Variants in TTL observed in about 807,000 individuals in gnomAD.
The protein encoded by TTL is tubulin tyrosine ligase, also known as tubulin--tyrosine ligase.
In TTL, 10 loss-of-function variants were observed where a neutral mutation model predicts 41.1. That is an observed-to-expected ratio of 0.24 (90% CI 0.15 to 0.41). The LOEUF (loss-of-function observed/expected upper bound fraction) is 0.41. TTL is among the 10% of genes least tolerant of loss of function. The pLI, the probability that TTL is intolerant of heterozygous loss-of-function variation, is 1.00. For synonymous variants in TTL, 175 were observed against 175.5 expected (o/e 1.00, Z 0.02); for missense variants, 367 against 460.4 (o/e 0.80, Z 1.86).
intron 6 of TTL, among the ~76,000 whole-genome samples, chr2:112,524,859 C>G (rs1682332600): frequency 6.6e-6 from 1 of 152,106 alleles, no homozygotes; most frequent in Non-Finnish European, 1.5e-5. Context: ...ACATGAAGTC[C>G]TTTCCCATGC....
chr2:112,528,887 C>A lies in TTL; in HGVS notation c.*92C>A. The A allele has an allele frequency of 9.3e-7, 1 of 1,072,750 alleles. No homozygotes were observed. The highest frequency in any genetic ancestry group is 1.4e-6 in the Non-Finnish European group (1 of 700,958). 66.5% of individuals were successfully genotyped at this position (1,072,750 alleles called of 1,614,324 possible). ...GGATTGCTCTTTATCCAGCCCACAG[C>A]AGGGGAAAGAAAGGCAACTCGCAAA... On this transcript the variant is annotated 3_prime_UTR_variant, in exon 7 of 7. Transcript: ENST00000233336.
chr2:112,525,079 T>G (rs1682336968), intron 6 of TTL, among the ~76,000 whole-genome samples: 1 of 152,232 alleles, frequency 6.6e-6, no homozygotes, highest in African/African-American at 2.4e-5. Context: ...TTTATCAGGT[T>G]TGTCAAACAT....
chr2:112,484,234 GTTT>G (rs35137372), intron 1 of TTL, among the ~76,000 whole-genome samples: 2 of 134,984 alleles, frequency 1.5e-5, no homozygotes, highest in African/African-American at 2.7e-5. Context: ...GTTTGTATGT[GTTT>G]TTTTTTTTTT....
intron 2 of TTL, among the ~76,000 whole-genome samples, chr2:112,488,650 C>A (rs903253490): frequency 6.6e-6 from 1 of 151,352 alleles, no homozygotes; most frequent in Admixed American, 6.6e-5. Context: ...CCCAGCTGCT[C>A]GGGAGGCTGA....
intron 6 of TTL, among the ~76,000 whole-genome samples, chr2:112,524,754 G>T (rs1682329350): frequency 6.6e-6 from 1 of 152,080 alleles, no homozygotes; most frequent in South Asian, 2.1e-4. Context: ...CCTGTTTGCT[G>T]ATGGTAGTTT....
Position 112,503,051 on chromosome 2 carries a change from T to C in TTL, c.745T>C (p.Tyr249His). Residue 249 changes from tyrosine to histidine, a missense_variant, in exon 5 of 7, where the codon TAT (tyrosine) becomes CAT (histidine). Physicochemically the swap from Tyr to His is moderately conservative, Grantham distance 83 (BLOSUM62 2). Coordinates refer to ENST00000233336, the MANE Select transcript of TTL (RefSeq NM_153712.5). ...HLTNHCIQKE[Y>H]SKNYGKYEEG... ...GACCAATCACTGCATTCAAAAAGAG[T>C]ATTCAAAGAACTACGGGAAGTATGA... 6.2e-7 allele frequency: 1 copy of C among 1,613,880 alleles called. No individual in the cohort carries two copies. The highest frequency in any genetic ancestry group is 8.5e-7 in the Non-Finnish European group (1 of 1,179,986).
intron 5 of TTL, among the ~76,000 whole-genome samples, chr2:112,509,005 C>T (rs1157220736): frequency 5.4e-5 from 3 of 55,170 alleles, no homozygotes; most frequent in Non-Finnish European, 1.0e-4. Flanking sequence ...TGTAGATGTC[C>T]TTTCTGGTTG....
chr2:112,540,742 T>G lies in TTL; in HGVS notation c.*11947T>G, dbSNP rs1558649128. 6.6e-6 allele frequency: 1 copy of G among 152,042 alleles called. No individual in the cohort carries two copies. Among genetic ancestry groups the G allele is most frequent in the Admixed American group, 6.5e-5 (1 of 15,274 alleles). The allele number at this position is 152,042 out of a possible 1,614,324, so 9.4% of individuals were successfully genotyped here. A position where few individuals can be genotyped will look rare whatever the true frequency, so the allele number is the denominator to read the frequency against. On this transcript the variant is annotated 3_prime_UTR_variant, in exon 7 of 7. Transcript: ENST00000233336. Reference sequence around the variant, plus strand: ...GACAATTTGATGAGGGAAAGAATAGTCTTTTTAACAAATGGTGTTAGGACA... The same window carrying G: ...GACAATTTGATGAGGGAAAGAATAGGCTTTTTAACAAATGGTGTTAGGACA...
intron 2 of TTL, among the ~76,000 whole-genome samples, chr2:112,491,673 A>G (rs1013538610): frequency 2.0e-5 from 3 of 152,214 alleles, no homozygotes; most frequent in African/African-American, 7.2e-5. Context: ...TTGCTTAAAA[A>G]ATGTGTTGGA....
At chr2:112,483,521 C>T (rs1275853754) in intron 1 of TTL, 3 of 152,240 alleles carry the variant, frequency 2.0e-5, no homozygotes, top group Non-Finnish European at 4.4e-5. Flanking sequence ...AGAGTCACCT[C>T]TACCTTGGAG....
intron 5 of TTL, 149 bp from the exon 6 acceptor site, chr2:112,520,130 CAAA>C (rs34238996): frequency 0.025 from 12,201 of 494,874 alleles, no homozygotes; most frequent in South Asian, 0.037. Context: ...AACTCCGTCT[CAAA>C]AAAAAAAAAA....
In TTL at chr2:112,520,393, C is replaced by T. The variant is rs755114463; in HGVS notation, c.987C>T (p.Leu329=). ...FMVDEELKVW[L]IEVNGAPACA... ...TCGATGAGGAGCTGAAGGTGTGGCT[C>T]ATTGAGGTCAACGGTGCCCCTGCAT... is the stretch of plus-strand genomic sequence containing the variant. The change falls in exon 6 of 7, where the codon CTC becomes CTT. Residue 329 remains leucine, a synonymous_variant. Coordinates refer to ENST00000233336, the MANE Select transcript of TTL (RefSeq NM_153712.5). The T allele has an allele frequency of 3.7e-6, 6 of 1,614,100 alleles. No individual in the cohort carries two copies. The highest frequency in any genetic ancestry group is 4.2e-6 in the Non-Finnish European group (5 of 1,180,038).
rs1682532838 is a variant in TTL, at chr2:112,532,612, T to C, written c.*3817T>C. 1 of 188,094 alleles carries C rather than the reference T, an allele frequency of 5.3e-6. No individual in the cohort carries two copies. Among genetic ancestry groups the C allele is most frequent in the African/African-American group, 2.3e-5 (1 of 42,742 alleles). 11.7% of individuals were successfully genotyped at this position (188,094 alleles called of 1,614,324 possible). Reference sequence around the variant, plus strand: ...GCTTGAGCAACAGAGCAAGACCCTGTCTCAAAAGTAAATAAATAATAAAGT... The same window carrying C: ...GCTTGAGCAACAGAGCAAGACCCTGCCTCAAAAGTAAATAAATAATAAAGT... On this transcript the variant is annotated 3_prime_UTR_variant, in exon 7 of 7. Transcript: ENST00000233336.
At chr2:112,502,562 G>A (rs983365746) in intron 4 of TTL, among the ~76,000 whole-genome samples, 7 of 149,994 alleles carry the variant, frequency 4.7e-5, no homozygotes, top group South Asian at 4.2e-4. Context: ...GCTTGAACCC[G>A]GAAGGCGGAG....
chr2:112,483,194 C>G (rs1681142405), intron 1 of TTL: 2 of 152,308 alleles, frequency 1.3e-5, no homozygotes, highest in African/African-American at 4.8e-5. Context: ...CCTGTCTTCC[C>G]TGCTCTCCCC....
Position 112,482,835 on chromosome 2 carries a change from C to T in TTL, c.157+334C>T, listed in dbSNP as rs1681129701. Among the ~76,000 whole-genome samples, 1 of 152,192 alleles carries T rather than the reference C, an allele frequency of 6.6e-6. No homozygotes were observed. ...AGCGGCTCCCCCGGGCCGAAGCCCC[C>T]AGATTTGGCGGGTCCGCCGCGCTGG... On this transcript the variant is annotated intron_variant, in intron 1 of 6. Coordinates refer to ENST00000233336, the MANE Select transcript of TTL (RefSeq NM_153712.5). This position sits in a 1 kb window ranked among gnomAD's most constrained non-coding sequence, Gnocchi z 5.3.
At chr2:112,486,950 CTTG>C (rs1455866726) in intron 2 of TTL, among the ~76,000 whole-genome samples, 3 of 152,150 alleles carry the variant, frequency 2.0e-5, no homozygotes, top group African/African-American at 7.2e-5. Flanking sequence ...TTGTGCCCGT[CTTG>C]TTGTTCCTAC....
chr2:112,498,139 C>G (rs1033762845), intron 3 of TTL, among the ~76,000 whole-genome samples: 16 of 152,022 alleles, frequency 1.1e-4, no homozygotes, highest in African/African-American at 3.4e-4. Flanking sequence ...GTCTGGCTGA[C>G]TTGCTGAAAC....
At chr2:112,498,937 A>G (rs1435027916) in intron 3 of TTL, among the ~76,000 whole-genome samples, 1 of 152,076 alleles carries the variant, frequency 6.6e-6, no homozygotes, top group Non-Finnish European at 1.5e-5. Context: ...GAAAAAGAAG[A>G]ATATAAGTGA....
Sources: gnomAD v4.1 joint callset for allele counts (sites outside exome capture counted in the v4.1 genomes callset) on GRCh38, gnomAD v4.1.1 for gene constraint, Gnocchi (gnomAD v3.1) non-coding constraint, MANE v1.5 for transcripts, NCBI Gene and HGNC (gene_info 2026-07-23, HGNC 2026-07-21) for gene names.